The following DIS3L2 variants were observed in gnomAD, a reference collection of about 807,000 sequenced individuals.
DIS3L2 encodes the protein DIS3-like exonuclease 2.
In DIS3L2, 34 loss-of-function variants were observed where a neutral mutation model predicts 97.5. The ratio of observed to expected loss-of-function variants is 0.35; its 90% CI spans 0.27 to 0.46. The LOEUF (loss-of-function observed/expected upper bound fraction) is 0.46, where lower values mean the gene tolerates loss of function less well. DIS3L2 is among the 20% of genes least tolerant of loss of function. The pLI is 1.00. For synonymous variants in DIS3L2, 435 were observed against 445.2 expected (o/e 0.98, Z 0.29); for missense variants, 1,038 against 1,146.0 (o/e 0.91, Z 1.36).
At chr2:232,310,661 G>T (rs547892325) in intron 14 of DIS3L2, among the ~76,000 whole-genome samples, 1 of 152,344 alleles carries the variant, frequency 6.6e-6, no homozygotes, top group East Asian at 1.9e-4. Context: ...AGAAACAGAT[G>T]CCCTGATAGG....
At chr2:232,167,010 CA>C (rs199864891) in intron 9 of DIS3L2, among the ~76,000 whole-genome samples, 14,946 of 136,988 alleles carry the variant, frequency 0.11, 780 homozygotes, top group African/African-American at 0.16. Flanking sequence ...GCGTCTCAGT[CA>C]AAAAAAAAAA....
intron 8 of DIS3L2, among the ~76,000 whole-genome samples, chr2:232,161,061 G>A (rs1443005775): frequency 6.6e-6 from 1 of 152,036 alleles, no homozygotes; most frequent in Non-Finnish European, 1.5e-5. Flanking sequence ...GGGACTGCGG[G>A]CATGCACCAT....
chr2:232,101,385 A>G (rs536648056), intron 6 of DIS3L2, among the ~76,000 whole-genome samples: 2 of 77,324 alleles, frequency 2.6e-5, no homozygotes, highest in East Asian at 5.3e-4. Context: ...GTATGCTAGA[A>G]TATACCTAGA....
intron 5 of DIS3L2, among the ~76,000 whole-genome samples, chr2:232,035,334 TG>T (rs1308251010): frequency 6.6e-6 from 1 of 152,228 alleles, no homozygotes; most frequent in Non-Finnish European, 1.5e-5. Flanking sequence ...TGCTTTTTTT[TG>T]CTTTCCATTT....
rs1357041389 is a variant in DIS3L2 at position 232,277,967 on chromosome 2, T to G, written c.1659+14527T>G. On this transcript the variant is annotated intron_variant, in intron 13 of 20. Transcript: ENST00000325385. ...TGGTATTCTAATCTTATGGGACCAC[T>G]GGCAGATATGGGGCCCATCGTTGGC... 6.0e-5 allele frequency among the ~76,000 whole-genome samples: 9 copies of G among 151,214 alleles called. No homozygotes were observed. The South Asian group carries it at 1.9e-3, about 31-fold the overall frequency.
chr2:232,288,049 C>T (rs1694493808), intron 13 of DIS3L2, among the ~76,000 whole-genome samples: 1 of 152,160 alleles, frequency 6.6e-6, no homozygotes, highest in African/African-American at 2.4e-5. Flanking sequence ...GGAGGTGCTG[C>T]TAACCCCATT....
intron 1 of DIS3L2, among the ~76,000 whole-genome samples, chr2:231,969,841 A>G (rs914474930): frequency 3.3e-5 from 5 of 151,244 alleles, no homozygotes; most frequent in African/African-American, 9.7e-5. Context: ...GCATTTTATC[A>G]CTGGAGAAGT....
chr2:232,034,182 C>G (rs191001441), intron 5 of DIS3L2, among the ~76,000 whole-genome samples: 2 of 152,176 alleles, frequency 1.3e-5, no homozygotes, highest in East Asian at 3.9e-4. Flanking sequence ...TTGACTTCTT[C>G]CTGGTTTAGT....
intron 11 of DIS3L2, among the ~76,000 whole-genome samples, chr2:232,248,667 A>G (rs907716788): frequency 1.3e-5 from 2 of 152,260 alleles, no homozygotes; most frequent in African/African-American, 2.4e-5. Context: ...ATGGATAACT[A>G]GTTGATCACA....
chr2:232,200,482 T>C (rs1382825449), intron 9 of DIS3L2, among the ~76,000 whole-genome samples: 1 of 152,106 alleles, frequency 6.6e-6, no homozygotes, highest in African/African-American at 2.4e-5. Flanking sequence ...CACAGGGATA[T>C]AGAGGCTCAC....
rs1169825598 is a variant in DIS3L2, at chr2:232,089,580, A to G, written c.601+1859A>G. 4.6e-5 allele frequency among the ~76,000 whole-genome samples: 7 copies of G among 152,228 alleles called. No homozygotes were observed. The East Asian group carries it at 1.3e-3, about 29-fold the overall frequency. On this transcript the variant is annotated intron_variant, in intron 6 of 20. Coordinates refer to ENST00000325385, the MANE Select transcript of DIS3L2 (RefSeq NM_152383.5). ...TAAGTAGCCAAATCCTTCATTAACAAGATCAGCAAGGAAGAGAGATATTCA... is the reference window on the plus strand; with the variant it reads ...TAAGTAGCCAAATCCTTCATTAACAGGATCAGCAAGGAAGAGAGATATTCA...
rs757853425 is a variant in DIS3L2 at position 232,130,575 on chromosome 2, A to T, written c.602-44A>T. Reference sequence around the variant, plus strand: ...TTTAAAATCCCACTAATTGATATGCATCTGGTTGATGACTCCTCTTCTCTC... The same window carrying T: ...TTTAAAATCCCACTAATTGATATGCTTCTGGTTGATGACTCCTCTTCTCTC... On this transcript the variant is annotated intron_variant, in intron 6 of 20. Coordinates refer to ENST00000325385, the MANE Select transcript of DIS3L2 (RefSeq NM_152383.5). 5.7e-6 allele frequency: 9 copies of T among 1,581,422 alleles called. No individual in the cohort carries two copies. The East Asian group carries it at 1.8e-4, about 32-fold the overall frequency.
At chr2:232,132,700 A>C (rs1698254086) in intron 7 of DIS3L2, among the ~76,000 whole-genome samples, 1 of 152,112 alleles carries the variant, frequency 6.6e-6, no homozygotes, top group African/African-American at 2.4e-5. Context: ...AAAGAGCCCT[A>C]ATGACCGTAA....
At chr2:231,966,641 ATTTTTTTT>A (rs36151054) in intron 1 of DIS3L2, among the ~76,000 whole-genome samples, 25 of 50,388 alleles carry the variant, frequency 5.0e-4, no homozygotes, top group East Asian at 7.0e-4. Context: ...GTTAAAAAAC[ATTTTTTTT>A]TTTTTTTTTT....
chr2:232,055,893 G>A (rs1695535052), intron 5 of DIS3L2, among the ~76,000 whole-genome samples: 1 of 152,196 alleles, frequency 6.6e-6, no homozygotes, highest in African/African-American at 2.4e-5. Flanking sequence ...AACAAGTGGT[G>A]CAAGGCTGAT....
chr2:232,079,599 CAAAAAA>C (rs760870721), intron 5 of DIS3L2, among the ~76,000 whole-genome samples: 17 of 29,610 alleles, frequency 5.7e-4, no homozygotes, highest in Middle Eastern at 0.059. Context: ...GACTCTATCT[CAAAAAA>C]AAAAAAAAAA....
intron 15 of DIS3L2, 112 bp downstream of exon 15, chr2:232,330,108 A>G: frequency 7.5e-7 from 1 of 1,326,796 alleles, no homozygotes; most frequent in South Asian, 1.5e-5. Flanking sequence ...CCTCCCCTTC[A>G]GCCAGGTCTC....
At chr2:231,971,206 C>T (rs914910008) in intron 1 of DIS3L2, among the ~76,000 whole-genome samples, 4 of 150,928 alleles carry the variant, frequency 2.7e-5, no homozygotes, top group Non-Finnish European at 4.4e-5. Context: ...TTTGGAGGTG[C>T]GTGTACAGGT....
chr2:232,102,433 G>A (rs1697230222), intron 6 of DIS3L2, among the ~76,000 whole-genome samples: 1 of 152,146 alleles, frequency 6.6e-6, no homozygotes, highest in Non-Finnish European at 1.5e-5. Context: ...AATTTTCTTA[G>A]GTGCGATAAT....
Sources: gnomAD v4.1 joint callset for allele counts (sites outside exome capture counted in the v4.1 genomes callset) on GRCh38, gnomAD v4.1.1 for gene constraint, MANE v1.5 for transcripts, NCBI Gene and HGNC (gene_info 2026-07-23, HGNC 2026-07-21) for gene names.